The following TAF2 variants were observed in gnomAD, a reference collection of about 807,000 sequenced individuals.
TAF2 encodes TATA-box binding protein associated factor 2.
TAF2 carries 61 observed loss-of-function variants against 138.5 expected under a neutral mutation model. That is an observed-to-expected ratio of 0.44 (90% CI 0.36 to 0.54). TAF2 has a LOEUF of 0.54. Among genes scored for constraint, TAF2 ranks in the 20% least tolerant of loss-of-function variants. The pLI, the probability that TAF2 is intolerant of heterozygous loss-of-function variation, is 0.00. For missense variants in TAF2, 1,090 were observed against 1,427.9 expected, an observed-to-expected ratio of 0.76 and a Z score of 3.81; for synonymous variants, 475 against 469.9, an observed-to-expected ratio of 1.01 and a Z score of -0.14.
chr8:119,785,253 T>C lies in TAF2; in HGVS notation c.1807A>G (p.Lys603Glu). Residue 603 changes from lysine (K) to glutamate (E), a missense_variant, in exon 15 of 26, where the codon AAA (lysine) becomes GAA (glutamate). Coordinates refer to ENST00000378164, the MANE Select transcript of TAF2 (RefSeq NM_003184.4). ...HSKSRRNKKK[K>E]IPLMNGEEVD... ...TCTTCTCCATTCATCAGTGGGATTT[T>C]TTTCTTTTTATTCCTACATTTAAGA... is the stretch of plus-strand genomic sequence containing the variant. 1 of 1,612,680 alleles carries C rather than the reference T, an allele frequency of 6.2e-7. No individual in the cohort carries two copies. Among genetic ancestry groups the C allele is most frequent in the Non-Finnish European group, 8.5e-7 (1 of 1,179,088 alleles).
At chr8:119,812,823 AC>A (rs1221390321) in intron 3 of TAF2, among the ~76,000 whole-genome samples, 8 of 66 alleles carry the variant, frequency 0.12, no homozygotes, top group South Asian at 0.5. Context: ...ACACATACAC[AC>A]CATTTCCTTT....
At chr8:119,792,145 C>CT (rs1823477071) in intron 10 of TAF2, among the ~76,000 whole-genome samples, 1 of 127,678 alleles carries the variant, frequency 7.8e-6, no homozygotes. Context: ...GAATTTCTTT[C>CT]TTTCTTTTTT....
At chr8:119,809,950 G>A (rs1445694615) in intron 3 of TAF2, among the ~76,000 whole-genome samples, 2 of 144,458 alleles carry the variant, frequency 1.4e-5, no homozygotes, top group African/African-American at 5.1e-5. Context: ...TGGAAAAATG[G>A]CACTGATAAA....
At chr8:119,806,800 AATT>A (rs1184272232) in intron 3 of TAF2, among the ~76,000 whole-genome samples, 1 of 152,028 alleles carries the variant, frequency 6.6e-6, no homozygotes, top group African/African-American at 2.4e-5. Context: ...ATTTGATACC[AATT>A]ATTTGTAAGC....
chr8:119,801,748 C>T (rs1266344370), intron 6 of TAF2, 46 bp downstream of exon 6: 2 of 1,564,616 alleles, frequency 1.3e-6, no homozygotes, highest in African/African-American at 2.7e-5. Flanking sequence ...TTTTTAAAAG[C>T]AGTAAAGGGC....
chr8:119,823,323 G>A (rs558186640), intron 2 of TAF2, among the ~76,000 whole-genome samples: 1 of 152,282 alleles, frequency 6.6e-6, no homozygotes, highest in East Asian at 1.9e-4. Flanking sequence ...TTTGGGCTGT[G>A]TCCCCACCCT....
intron 9 of TAF2, 110 bp from the exon 10 acceptor site, chr8:119,793,561 A>T (rs1385164892): frequency 1.3e-6 from 1 of 790,956 alleles, no homozygotes; most frequent in African/African-American, 1.8e-5. Flanking sequence ...ATCAGAATGT[A>T]AATTTCTTAA....
intron 1 of TAF2, 52 bp from the exon 2 acceptor site, chr8:119,831,783 A>T (rs1274199329): frequency 1.0e-5 from 12 of 1,182,570 alleles, no homozygotes; most frequent in Non-Finnish European, 1.4e-5. Flanking sequence ...TTTTATTATT[A>T]AATCAAAGTA....
At chr8:119,817,770 G>A (rs1825570794) in intron 3 of TAF2, among the ~76,000 whole-genome samples, 1 of 152,142 alleles carries the variant, frequency 6.6e-6, no homozygotes, top group Non-Finnish European at 1.5e-5. Flanking sequence ...GCTGGATAGG[G>A]TGGATATTTT....
intron 2 of TAF2, among the ~76,000 whole-genome samples, chr8:119,830,228 C>A (rs888766865): frequency 6.6e-6 from 1 of 152,114 alleles, no homozygotes; most frequent in Non-Finnish European, 1.5e-5. Flanking sequence ...CTGCCTCAAT[C>A]ATGCCTTAAT....
intron 20 of TAF2, among the ~76,000 whole-genome samples, chr8:119,760,028 C>T (rs1001953846): frequency 2.8e-5 from 4 of 143,682 alleles, no homozygotes; most frequent in African/African-American, 5.8e-5. Flanking sequence ...GCTTCATTTA[C>T]GCCCCCCCAG....
intron 18 of TAF2, among the ~76,000 whole-genome samples, chr8:119,774,356 T>C (rs894490676): frequency 1.3e-5 from 2 of 152,186 alleles, no homozygotes; most frequent in African/African-American, 4.8e-5. Flanking sequence ...GTATTTTATA[T>C]ATTTACTATG....
chr8:119,759,534 A>G (rs916102922), intron 20 of TAF2, among the ~76,000 whole-genome samples: 6 of 152,110 alleles, frequency 3.9e-5, no homozygotes, highest in African/African-American at 1.4e-4. Flanking sequence ...GACTTAGATT[A>G]TATTTCCATG....
intron 24 of TAF2, among the ~76,000 whole-genome samples, chr8:119,743,633 GA>G (rs1404639547): frequency 6.6e-6 from 1 of 152,028 alleles, no homozygotes; most frequent in Non-Finnish European, 1.5e-5. Context: ...CAAGAGCTAT[GA>G]AAATCTAAAG....
At chr8:119,741,942 G>T (rs1001089358) in intron 25 of TAF2, among the ~76,000 whole-genome samples, 1 of 152,162 alleles carries the variant, frequency 6.6e-6, no homozygotes, top group Non-Finnish European at 1.5e-5. Context: ...TGATGAAACA[G>T]AATAAGCAGA....
chr8:119,831,669 A>G lies in TAF2; in HGVS notation c.138+8T>C. ...GTTACTATTTATAATTGTTGAGAAT[A>G]AACTTACCACAACAGATTTTCTCTG... On this transcript the variant is annotated splice_region_variant and intron_variant, in intron 2 of 25. Coordinates refer to ENST00000378164, the MANE Select transcript of TAF2 (RefSeq NM_003184.4). The G allele has an allele frequency of 1.2e-6, 2 of 1,600,814 alleles. No individual in the cohort carries two copies. The highest frequency in any genetic ancestry group is 2.2e-5 in the East Asian group (1 of 44,622).
chr8:119,736,780 A>C (rs542873529), intron 25 of TAF2, among the ~76,000 whole-genome samples: 1 of 152,336 alleles, frequency 6.6e-6, no homozygotes, highest in South Asian at 2.1e-4. Flanking sequence ...CAGACATTGT[A>C]TGCTTCCAGA....
At chr8:119,750,984 C>T (rs377398799) in intron 22 of TAF2, among the ~76,000 whole-genome samples, 2 of 152,024 alleles carry the variant, frequency 1.3e-5, no homozygotes, top group East Asian at 3.9e-4. Context: ...ATACCATCTC[C>T]TCAATGAAGA....
At chr8:119,765,797 C>T (rs1183923500) in intron 18 of TAF2, among the ~76,000 whole-genome samples, 1 of 152,166 alleles carries the variant, frequency 6.6e-6, no homozygotes, top group African/African-American at 2.4e-5. Context: ...TGATAGGTAA[C>T]ATAACTGTCG....
Sources: gnomAD v4.1 joint callset for allele counts (sites outside exome capture counted in the v4.1 genomes callset) on GRCh38, gnomAD v4.1.1 for gene constraint, MANE v1.5 for transcripts, NCBI Gene and HGNC (gene_info 2026-07-23, HGNC 2026-07-21) for gene names.